DMP1: variants seen among roughly 807,000 people sequenced by gnomAD.
The protein encoded by DMP1 is dentin matrix acidic phosphoprotein 1.
DMP1 carries 20 observed loss-of-function variants against 14.6 expected under a neutral mutation model. That is an observed-to-expected ratio of 1.37 (90% CI 0.96 to 1.99). DMP1 has a LOEUF of 1.99. DMP1 is among the 30% of genes most tolerant of loss of function. The pLI, the probability that DMP1 is intolerant of heterozygous loss-of-function variation, is 0.00. For synonymous variants in DMP1, 197 were observed against 215.3 expected (o/e 0.91, Z 0.75); for missense variants, 567 against 620.5 (o/e 0.91, Z 0.92).
chr4:87,655,277 C>A (rs1219001364), intron 1 of DMP1, among the ~76,000 whole-genome samples: 2 of 152,128 alleles, frequency 1.3e-5, no homozygotes, highest in African/African-American at 4.8e-5. Context: ...TTCCTTAAAC[C>A]ATTTCAATAA....
Position 87,662,430 on chromosome 4 carries a change from G to C in DMP1, c.652G>C (p.Asp218His). The C allele has an allele frequency of 6.2e-7, 1 of 1,614,176 alleles. No homozygotes were observed. Among genetic ancestry groups the C allele is most frequent in the Non-Finnish European group, 8.5e-7 (1 of 1,180,038 alleles). ...SELDDEGMQSDDPESIRSERG... is the reference protein window; with the variant it reads ...SELDDEGMQSHDPESIRSERG... The stretch of plus-strand genomic sequence containing the variant: ...GTTGGACGATGAGGGAATGCAGAGT[G>C]ATGACCCAGAGAGCATCAGGAGTGA... The change falls in exon 6 of 6, where the codon GAT becomes CAT. Residue 218 changes from aspartate to histidine, a missense_variant. Asp to His is a moderately conservative substitution (Grantham distance 81). Coordinates refer to ENST00000339673, the MANE Select transcript of DMP1 (RefSeq NM_004407.4).
intron 4 of DMP1, 37 bp from the exon 5 acceptor site, chr4:87,659,394 T>C (rs1435127509): frequency 1.2e-6 from 2 of 1,610,668 alleles, no homozygotes; most frequent in South Asian, 1.1e-5. Flanking sequence ...TCCTAAGGAA[T>C]TACTAAAAAG....
At position 87,662,945 on chromosome 4, in the gene DMP1, G is replaced by A. The variant is rs756632847; in HGVS notation, c.1167G>A (p.Ser389=). 42 of 1,614,012 alleles carry A rather than the reference G, an allele frequency of 2.6e-5. No individual in the cohort carries two copies. Among genetic ancestry groups the A allele is most frequent in the East Asian group, 1.6e-4 (7 of 44,878 alleles). ...EDSDSSEEDS[S]HTLSHSKSES... ...GTGACTCCAGCGAGGAGGACAGCTC[G>A]CACACACTCTCCCACTCAAAAAGTG... Residue 389 remains serine (S), a synonymous_variant, in exon 6 of 6, where the codon TCG becomes TCA. Coordinates refer to ENST00000339673, the MANE Select transcript of DMP1 (RefSeq NM_004407.4).
In DMP1 at chr4:87,663,504, T is replaced by A; in HGVS notation, c.*184T>A. The A allele has an allele frequency of 1.2e-6, 1 of 821,348 alleles. No individual in the cohort carries two copies. The highest frequency in any genetic ancestry group is 1.9e-6 in the Non-Finnish European group (1 of 521,150). The allele number at this position is 821,348 out of a possible 1,614,324, so 50.9% of individuals were successfully genotyped here. A position where few individuals can be genotyped will look rare whatever the true frequency, so the allele number is the denominator to read the frequency against. ...TGTCATCATTTCACAGAGGTTTAAA[T>A]ACTGTGGAGTGACACCAGAACACAG... On this transcript the variant is annotated 3_prime_UTR_variant, in exon 6 of 6. Transcript: ENST00000339673.
At chr4:87,654,085 C>CTT (rs1728613661) in intron 1 of DMP1, among the ~76,000 whole-genome samples, 1 of 152,150 alleles carries the variant, frequency 6.6e-6, no homozygotes, top group African/African-American at 2.4e-5. Flanking sequence ...TTGGCCTCTC[C>CTT]GTGCAGCATT....
intron 1 of DMP1, among the ~76,000 whole-genome samples, chr4:87,655,765 G>A (rs555580699): frequency 1.0e-3 from 153 of 152,170 alleles, no homozygotes; most frequent in Non-Finnish European, 1.6e-3. Flanking sequence ...TAGTTTTTTA[G>A]GGAGAATACA....
Position 87,662,292 on chromosome 4 carries a change from G to A in DMP1, c.514G>A (p.Asp172Asn). The A allele has an allele frequency of 6.2e-7, 1 of 1,614,098 alleles. No homozygotes were observed. ...TSESRELDNEDRVDSKPEGGD... is the reference protein window; with the variant it reads ...TSESRELDNENRVDSKPEGGD... ...TGAGAGCAGGGAACTTGACAATGAG[G>A]ACCGGGTGGACAGCAAGCCTGAGGG... Residue 172 changes from aspartate (D) to asparagine (N), a missense_variant, in exon 6 of 6, where the codon GAC (aspartate) becomes AAC (asparagine). Coordinates refer to ENST00000339673, the MANE Select transcript of DMP1 (RefSeq NM_004407.4).
intron 4 of DMP1, 26 bp downstream of exon 4, chr4:87,659,278 TA>T (rs1401914847): frequency 6.2e-7 from 1 of 1,613,460 alleles, no homozygotes; most frequent in Admixed American, 1.7e-5. Flanking sequence ...ACTTTTGTCA[TA>T]AACATCTCAT....
rs369550864 is a variant in DMP1, at chr4:87,659,241, A to C, written c.124A>C (p.Thr42Pro). 171 of 1,614,106 alleles carry C rather than the reference A, an allele frequency of 1.1e-4. 1 individual carries two copies. The highest frequency in any genetic ancestry group is 8.7e-4 in the East Asian group (39 of 44,860). ...EWKGHLAQAP[T>P]PPLESSESSE... ...GCAGGGTCATTTGGCTCAGGCACCA[A>C]CACCACCCTTGGTAACTATCTCATT... The change falls in exon 4 of 6, where the codon ACA (threonine) becomes CCA (proline). Residue 42 changes from threonine to proline, a missense_variant. Thr to Pro is a conservative substitution (Grantham distance 38, BLOSUM62 -1). Coordinates refer to ENST00000339673, the MANE Select transcript of DMP1 (RefSeq NM_004407.4).
At position 87,663,124 on chromosome 4, in the gene DMP1, C is replaced by T. The variant is rs1728975948; in HGVS notation, c.1346C>T (p.Ser449Phe). The T allele has an allele frequency of 6.2e-7, 1 of 1,614,036 alleles. No individual in the cohort carries two copies. The highest frequency in any genetic ancestry group is 1.1e-5 in the South Asian group (1 of 91,088). Residue 449 changes from serine to phenylalanine, a missense_variant, in exon 6 of 6, where the codon TCT becomes TTT. Ser to Phe is a radical substitution (Grantham distance 155). Coordinates refer to ENST00000339673, the MANE Select transcript of DMP1 (RefSeq NM_004407.4). ...GAGAGTCAGAGCGAGGAAAGCCATT[C>T]TGAGGAAGACGACAGTGACTCTCAA... is the stretch of plus-strand genomic sequence containing the variant. The part of the protein sequence containing the change: ...SAESQSEESH[S>F]EEDDSDSQDS...
rs1477469811 is a variant in DMP1, at chr4:87,662,539, CAGGTGG to C, written c.762_767del (p.Gly255_Gly256del). The C allele has an allele frequency of 1.9e-6, 3 of 1,614,116 alleles. No individual in the cohort carries two copies. The stretch of plus-strand genomic sequence containing the variant: ...AGTGAGCAAGCAAACACTCAAGATT[CAGGTGG>C]CAGCCAATTGCTGGAGCATCCCAGT... On this transcript the variant is annotated inframe_deletion, in exon 6 of 6. Coordinates refer to ENST00000339673, the MANE Select transcript of DMP1 (RefSeq NM_004407.4).
intron 1 of DMP1, among the ~76,000 whole-genome samples, chr4:87,653,912 C>G (rs1041554600): frequency 1.3e-5 from 2 of 152,116 alleles, no homozygotes; most frequent in Admixed American, 1.3e-4. Flanking sequence ...GACACAGGAG[C>G]CTTCAGAACG....
intron 2 of DMP1, 40 bp downstream of exon 2, chr4:87,656,586 T>C (rs777171983): frequency 1.5e-6 from 2 of 1,363,580 alleles, no homozygotes; most frequent in South Asian, 1.2e-5. Flanking sequence ...AACCCTTTCA[T>C]ACTTAAAACT....
At chr4:87,654,121 C>A (rs1728615808) in intron 1 of DMP1, among the ~76,000 whole-genome samples, 1 of 152,174 alleles carries the variant, frequency 6.6e-6, no homozygotes, top group Non-Finnish European at 1.5e-5. Flanking sequence ...TGGGACAGGA[C>A]CTTCTCTGCA....
At position 87,663,725 on chromosome 4, in the gene DMP1, AGAGTTAAAGAGG is replaced by A; in HGVS notation, c.*408_*419del. On this transcript the variant is annotated 3_prime_UTR_variant, in exon 6 of 6. Coordinates refer to ENST00000339673, the MANE Select transcript of DMP1 (RefSeq NM_004407.4). ...CGTATAGAAGGACCCACAAAGCTACAGAGTTAAAGAGGGATATGTATAAGAGAAACAAGAATT... is the reference window on the plus strand; with the variant it reads ...CGTATAGAAGGACCCACAAAGCTACAGATATGTATAAGAGAAACAAGAATT... 3.2e-6 allele frequency: 1 copy of A among 307,962 alleles called. No individual in the cohort carries two copies. The highest frequency in any genetic ancestry group is 6.2e-6 in the Non-Finnish European group (1 of 161,444). 19.1% of individuals were successfully genotyped at this position (307,962 alleles called of 1,614,324 possible).
rs1015686758 is a variant in DMP1, at chr4:87,650,321, C to G, written c.-85C>G. 7 of 152,178 alleles carry G rather than the reference C, an allele frequency of 4.6e-5. No individual in the cohort carries two copies. Among genetic ancestry groups the G allele is most frequent in the African/African-American group, 1.7e-4 (7 of 41,452 alleles). 9.4% of individuals were successfully genotyped at this position (152,178 alleles called of 1,614,324 possible). A position where few individuals can be genotyped will look rare whatever the true frequency, so the allele number is the denominator to read the frequency against. ...AGTGGCTTCATTGGGCATAGATTTC[C>G]TCTTTGAGAACATCAACCTGATTTT... On this transcript the variant is annotated 5_prime_UTR_variant, in exon 1 of 6. Coordinates refer to ENST00000339673, the MANE Select transcript of DMP1 (RefSeq NM_004407.4).
At chr4:87,661,732 G>A (rs1728888618) in intron 5 of DMP1, among the ~76,000 whole-genome samples, 1 of 149,332 alleles carries the variant, frequency 6.7e-6, no homozygotes, top group South Asian at 2.2e-4. Context: ...TTGAGAAAAT[G>A]TTGGCAGCAT....
chr4:87,656,778 G>A lies in DMP1; in HGVS notation c.54+232G>A, dbSNP rs943420977. ...TTCCCTATAAGCAGTGCTTCTTAAA[G>A]TGTCATCCTGGAACCACCAGCATCA... On this transcript the variant is annotated intron_variant, in intron 2 of 5. Transcript: ENST00000339673. 1.8e-4 allele frequency among the ~76,000 whole-genome samples: 27 copies of A among 152,150 alleles called. 1 individual carries two copies. Among genetic ancestry groups the A allele is most frequent in the Non-Finnish European group, 1.5e-4 (10 of 68,032 alleles).
rs1728785570 is a variant in DMP1, at chr4:87,659,215, T to G, written c.103-5T>G. The G allele has an allele frequency of 6.2e-7, 1 of 1,613,968 alleles. No homozygotes were observed. ...ATTTGTTTTCCTTCCTTTCCTTTTT[T>G]GCAGGGTCATTTGGCTCAGGCACCA... On this transcript the variant is annotated splice_region_variant and splice_polypyrimidine_tract_variant and intron_variant, in intron 3 of 5. Transcript: ENST00000339673.
Sources: allele counts gnomAD v4.1 joint callset (sites outside exome capture counted in the v4.1 genomes callset), GRCh38; gene constraint gnomAD v4.1.1; transcripts MANE v1.5; gene names NCBI Gene and HGNC (gene_info 2026-07-23, HGNC 2026-07-21).